The following ARK2C variants were observed in gnomAD, a reference collection of about 807,000 sequenced individuals.
The protein encoded by ARK2C is arkadia (RNF111) C-terminal like ring finger ubiquitin ligase 2C, also known as E3 ubiquitin-protein ligase ARK2C.
At chr18:46,418,262 T>C in the ARK2C span, among the ~76,000 whole-genome samples, 3 of 151,988 alleles carry the variant, frequency 2.0e-5, no homozygotes, top group Admixed American at 6.6e-5. Flanking sequence ...GAGGCTGAGA[T>C]GGGAGGATCG....
the ARK2C span, among the ~76,000 whole-genome samples, chr18:46,426,690 T>C: frequency 6.6e-6 from 1 of 152,226 alleles, no homozygotes. Context: ...GTCTTACCAT[T>C]GATGTGTTTA....
the ARK2C span, among the ~76,000 whole-genome samples, chr18:46,417,999 TA>T: frequency 0.13 from 19,672 of 145,780 alleles, 1,530 homozygotes; most frequent in East Asian, 0.29. Context: ...GCAAGACTCT[TA>T]AAAAAAAAAA....
the ARK2C span, among the ~76,000 whole-genome samples, chr18:46,350,892 G>A: frequency 1.3e-5 from 2 of 152,226 alleles, no homozygotes; most frequent in Non-Finnish European, 2.9e-5. Flanking sequence ...CATCAGATGG[G>A]CCCATTACCT....
the ARK2C span, among the ~76,000 whole-genome samples, chr18:46,444,765 G>A: frequency 6.6e-6 from 1 of 151,944 alleles, no homozygotes; most frequent in Admixed American, 6.6e-5. Context: ...GAGCCACTGT[G>A]CCTGGCTCAT....
the ARK2C span, among the ~76,000 whole-genome samples, chr18:46,421,761 C>G: frequency 6.6e-6 from 1 of 152,250 alleles, no homozygotes; most frequent in Non-Finnish European, 1.5e-5. Flanking sequence ...GCTTAATTGT[C>G]TCATACCCAT....
At chr18:46,335,530 TC>T in the ARK2C span, 1 of 152,518 alleles carries the variant, frequency 6.6e-6, no homozygotes, top group East Asian at 1.9e-4. Context: ...TCTTCTATCC[TC>T]TCCCACTCCA....
the ARK2C span, among the ~76,000 whole-genome samples, chr18:46,412,240 G>A: frequency 6.6e-6 from 1 of 152,256 alleles, no homozygotes; most frequent in Non-Finnish European, 1.5e-5. Flanking sequence ...ATATGTCCCA[G>A]TTTGGGGAAG....
the ARK2C span, among the ~76,000 whole-genome samples, chr18:46,402,271 T>C: frequency 6.6e-6 from 1 of 152,260 alleles, no homozygotes; most frequent in East Asian, 1.9e-4. Flanking sequence ...TATTATATAC[T>C]ATGTGCTAGA....
chr18:46,391,558 T>C, the ARK2C span, among the ~76,000 whole-genome samples: 22 of 152,164 alleles, frequency 1.4e-4, 1 homozygote, highest in African/African-American at 5.3e-4. Context: ...GAGGCCTCTA[T>C]GGGGCAGGCC....
chr18:46,414,691 T>G, the ARK2C span, among the ~76,000 whole-genome samples: 96 of 152,166 alleles, frequency 6.3e-4, no homozygotes, highest in African/African-American at 2.3e-3. Flanking sequence ...CACAGACACA[T>G]GCACATACAC....
the ARK2C span, among the ~76,000 whole-genome samples, chr18:46,341,320 G>C: frequency 2.9e-4 from 2 of 6,790 alleles, no homozygotes; most frequent in African/African-American, 1.0e-3. Flanking sequence ...AGGTCAGGGA[G>C]GGGGGTGGGA....
the ARK2C span, among the ~76,000 whole-genome samples, chr18:46,358,314 A>T: frequency 6.6e-6 from 1 of 152,126 alleles, no homozygotes; most frequent in African/African-American, 2.4e-5. Flanking sequence ...GAATCCAGGT[A>T]CATGGGGAGC....
the ARK2C span, among the ~76,000 whole-genome samples, chr18:46,393,662 T>G: frequency 6.6e-6 from 1 of 152,202 alleles, no homozygotes; most frequent in Non-Finnish European, 1.5e-5. Context: ...TTGATGTATC[T>G]TCCACATGCC....
At chr18:46,392,341 T>C in the ARK2C span, among the ~76,000 whole-genome samples, 1 of 152,226 alleles carries the variant, frequency 6.6e-6, no homozygotes, top group Non-Finnish European at 1.5e-5. Flanking sequence ...TAGATTCAGC[T>C]CAGGGTTCCC....
chr18:46,431,243 ATTTGGTAGGT>A, the ARK2C span, among the ~76,000 whole-genome samples: 1 of 152,308 alleles, frequency 6.6e-6, no homozygotes, highest in East Asian at 1.9e-4. Context: ...ATTTTTAAAA[ATTTGGTAGGT>A]TCTCTTTCTC....
At chr18:46,435,661 G>A in the ARK2C span, among the ~76,000 whole-genome samples, 215 of 152,326 alleles carry the variant, frequency 1.4e-3, 3 homozygotes, top group Admixed American at 0.012. Flanking sequence ...CAGTGGGGGA[G>A]GGGGACAGGG....
chr18:46,363,714 A>T, the ARK2C span, among the ~76,000 whole-genome samples: 14 of 152,266 alleles, frequency 9.2e-5, 1 homozygote, highest in South Asian at 2.1e-4. Context: ...CGTTATAATG[A>T]GCTGGCCTTG....
At chr18:46,457,810 G>A in the ARK2C span, 1 of 152,664 alleles carries the variant, frequency 6.6e-6, no homozygotes, top group Admixed American at 6.5e-5. Flanking sequence ...AGCACTAAGG[G>A]CTGAGGTCAA....
chr18:46,394,510 C>A, the ARK2C span, among the ~76,000 whole-genome samples: 2 of 152,156 alleles, frequency 1.3e-5, no homozygotes, highest in Non-Finnish European at 2.9e-5. Flanking sequence ...CTCCACCTTC[C>A]CCCCAGCCAG....
Sources: gnomAD v4.1 joint callset for allele counts (sites outside exome capture counted in the v4.1 genomes callset) on GRCh38, gnomAD v4.1.1 for gene constraint, MANE v1.5 for transcripts, NCBI Gene and HGNC (gene_info 2026-07-23, HGNC 2026-07-21) for gene names.